Variants in ESRRG observed in about 807,000 individuals in gnomAD.
ESRRG encodes estrogen-related receptor gamma.
Under a neutral mutation model 44.0 loss-of-function variants are expected in ESRRG, and 13 were observed. The ratio of observed to expected loss-of-function variants is 0.30; its 90% CI spans 0.19 to 0.47. The LOEUF (loss-of-function observed/expected upper bound fraction) is 0.47. ESRRG is among the 20% of genes least tolerant of loss of function. The pLI, the probability that ESRRG is intolerant of heterozygous loss-of-function variation, is 1.00. For synonymous variants in ESRRG, 215 were observed against 214.6 expected (o/e 1.00, Z -0.02); for missense variants, 395 against 580.6 (o/e 0.68, Z 3.29).
At chr1:216,787,061 C>T (rs574720081) in intron 2 of ESRRG, among the ~76,000 whole-genome samples, 150 of 151,122 alleles carry the variant, frequency 9.9e-4, no homozygotes, top group African/African-American at 3.6e-3. Context: ...CTTTCCGTCT[C>T]TGTGTCACAT....
At chr1:216,805,732 T>C (rs1359948727) in intron 2 of ESRRG, among the ~76,000 whole-genome samples, 1 of 150,732 alleles carries the variant, frequency 6.6e-6, no homozygotes, top group Non-Finnish European at 1.5e-5. Flanking sequence ...GTTTTGTAAT[T>C]GGAAAAAAAA....
chr1:216,939,166 T>G (rs1186572962), intron 2 of ESRRG, among the ~76,000 whole-genome samples: 1 of 151,868 alleles, frequency 6.6e-6, no homozygotes, highest in Admixed American at 6.6e-5. Flanking sequence ...AATATTTTAC[T>G]TCTTAGGCAC....
intron 2 of ESRRG, among the ~76,000 whole-genome samples, chr1:216,907,574 G>A (rs1425754188): frequency 6.6e-6 from 1 of 152,148 alleles, no homozygotes; most frequent in Non-Finnish European, 1.5e-5. Context: ...TCGCTGAAGA[G>A]CCAAGGAATA....
intron 2 of ESRRG, among the ~76,000 whole-genome samples, chr1:216,822,380 T>A (rs993770677): frequency 6.6e-6 from 1 of 152,200 alleles, no homozygotes; most frequent in Non-Finnish European, 1.5e-5. Context: ...AAACTAAAAC[T>A]GTCTCAACTG....
intron 2 of ESRRG, among the ~76,000 whole-genome samples, chr1:216,772,550 T>G (rs1347224836): frequency 6.6e-6 from 1 of 152,148 alleles, no homozygotes; most frequent in Non-Finnish European, 1.5e-5. Context: ...TTCTCTAACA[T>G]AAGTTTTCAA....
chr1:216,548,108 G>A (rs540824915), intron 5 of ESRRG, among the ~76,000 whole-genome samples: 7 of 152,100 alleles, frequency 4.6e-5, no homozygotes, highest in Admixed American at 2.0e-4. Flanking sequence ...AAACAATGCC[G>A]GAAATCAAAC....
rs115945752 is a variant in ESRRG at position 217,027,254 on chromosome 1, A to G, written c.-106+62253T>C. Among the ~76,000 whole-genome samples, 1,358 of 152,290 alleles carry G rather than the reference A, an allele frequency of 8.9e-3. 20 individuals carry two copies. The highest frequency in any genetic ancestry group is 0.031 in the African/African-American group (1,285 of 41,570). On this transcript the variant is annotated intron_variant, in intron 1 of 7. Transcript: ENST00000359162. ...CTCCAGTAACCAGAAAAGAATAAAT[A>G]CATCCTGAACCCACATTATAAATAG...
intron 2 of ESRRG, chr1:216,864,094 T>G (rs1025558078): frequency 2.6e-5 from 4 of 152,196 alleles, no homozygotes; most frequent in Non-Finnish European, 5.9e-5. Context: ...GAACATGGGA[T>G]GAAATTGTAA....
At chr1:216,741,260 TTATAATTTATATTA>T (rs2090674771) in intron 2 of ESRRG, among the ~76,000 whole-genome samples, 2 of 147,592 alleles carry the variant, frequency 1.4e-5, no homozygotes, top group Non-Finnish European at 3.0e-5. Context: ...TAATTTATAT[TTATAATTTATATTA>T]TATAATTTAT....
intron 2 of ESRRG, among the ~76,000 whole-genome samples, chr1:216,672,689 G>T (rs1476988696): frequency 6.6e-6 from 1 of 152,030 alleles, no homozygotes; most frequent in Non-Finnish European, 1.5e-5. Flanking sequence ...GCAACATAGG[G>T]AGATCCCGTC....
At chr1:217,104,793 T>C (rs2092566038) in intron 1 of ESRRG, among the ~76,000 whole-genome samples, 1 of 152,208 alleles carries the variant, frequency 6.6e-6, no homozygotes, top group Non-Finnish European at 1.5e-5. Context: ...TTTCCATTCA[T>C]AATAGATTTT....
chr1:216,723,483 A>G (rs1300775559), upstream of ESRRG: 6 of 606,750 alleles, frequency 9.9e-6, no homozygotes, highest in Admixed American at 1.5e-4. Context: ...ATTAATATGA[A>G]GTAGGGCTTT....
chr1:216,855,400 T>A (rs908218842), intron 2 of ESRRG, among the ~76,000 whole-genome samples: 2 of 150,672 alleles, frequency 1.3e-5, no homozygotes, highest in Non-Finnish European at 3.0e-5. Context: ...CTGTGAATTA[T>A]CTCATTTAAT....
At chr1:217,034,959 C>G (rs1030772621) in intron 1 of ESRRG, among the ~76,000 whole-genome samples, 1 of 152,116 alleles carries the variant, frequency 6.6e-6, no homozygotes, top group Non-Finnish European at 1.5e-5. Context: ...CTATATGTTA[C>G]TTTATTTTTA....
chr1:217,085,488 T>A (rs1243775723), intron 1 of ESRRG, among the ~76,000 whole-genome samples: 100 of 119,870 alleles, frequency 8.3e-4, no homozygotes, highest in Middle Eastern at 3.9e-3. Flanking sequence ...TTCATTTTTT[T>A]TTTTTTTTTT....
At chr1:216,607,491 C>G (rs1205074150) in intron 3 of ESRRG, among the ~76,000 whole-genome samples, 1 of 152,140 alleles carries the variant, frequency 6.6e-6, no homozygotes, top group Non-Finnish European at 1.5e-5. Context: ...AAGAAAGAAA[C>G]TGAATGAAGA....
chr1:217,005,366 C>A (rs368759171), intron 1 of ESRRG, among the ~76,000 whole-genome samples: 1 of 152,068 alleles, frequency 6.6e-6, no homozygotes, highest in South Asian at 2.1e-4. Flanking sequence ...AAGACTGGTG[C>A]CTTTTCTCCA....
At chr1:216,617,421 T>C (rs1344747906) in intron 3 of ESRRG, among the ~76,000 whole-genome samples, 1 of 151,898 alleles carries the variant, frequency 6.6e-6, no homozygotes, top group Non-Finnish European at 1.5e-5. Flanking sequence ...CAACGCAGTA[T>C]CATGAGCTGC....
At chr1:216,613,796 A>G (rs1445270294) in intron 3 of ESRRG, among the ~76,000 whole-genome samples, 1 of 152,234 alleles carries the variant, frequency 6.6e-6, no homozygotes, top group East Asian at 1.9e-4. Flanking sequence ...CTAACAATGG[A>G]AAATATATTT....
Sources: gnomAD v4.1 joint callset for allele counts (sites outside exome capture counted in the v4.1 genomes callset) on GRCh38, gnomAD v4.1.1 for gene constraint, MANE v1.5 for transcripts, NCBI Gene and HGNC (gene_info 2026-07-23, HGNC 2026-07-21) for gene names.